The following GRIK1 variants were observed in gnomAD, a reference collection of about 807,000 sequenced individuals.
GRIK1 encodes glutamate ionotropic receptor kainate type subunit 1, also known as glutamate receptor ionotropic, kainate 1.
A neutral mutation model predicts 105.7 loss-of-function variants in GRIK1; 69 were observed. The ratio of observed to expected loss-of-function variants is 0.65; its 90% CI spans 0.54 to 0.80. GRIK1 has a LOEUF of 0.80. GRIK1 is among the 30% of genes least tolerant of loss of function. The pLI is 0.00. For missense variants in GRIK1, 1,109 were observed against 1,167.3 expected (o/e 0.95, Z 0.73); for synonymous variants, 438 against 431.3 (o/e 1.02, Z -0.19).
chr21:29,584,789 G>A (rs990000862), intron 12 of GRIK1, among the ~76,000 whole-genome samples: 3 of 152,084 alleles, frequency 2.0e-5, no homozygotes, highest in Non-Finnish European at 2.9e-5. Flanking sequence ...AACCACTAAG[G>A]TGGTAACTGA....
intron 1 of GRIK1, among the ~76,000 whole-genome samples, chr21:29,935,306 A>G (rs1394385398): frequency 6.6e-6 from 1 of 152,244 alleles, no homozygotes; most frequent in East Asian, 1.9e-4. Context: ...ATAGATTGCA[A>G]TTGCCAGAAT....
intron 4 of GRIK1, among the ~76,000 whole-genome samples, chr21:29,672,662 A>AAGAG (rs72451934): frequency 2.7e-5 from 4 of 146,108 alleles, no homozygotes; most frequent in East Asian, 3.9e-4. Context: ...CAAGAGACAT[A>AAGAG]AGAGAGAGAG....
intron 1 of GRIK1, among the ~76,000 whole-genome samples, chr21:29,866,886 TAC>T (rs2068820841): frequency 2.0e-5 from 3 of 152,220 alleles, no homozygotes; most frequent in Non-Finnish European, 1.5e-5. Flanking sequence ...TCAAACAAAG[TAC>T]ACTTGAATAT....
At chr21:29,610,454 A>C (rs887701760) in intron 7 of GRIK1, among the ~76,000 whole-genome samples, 16 of 152,224 alleles carry the variant, frequency 1.1e-4, no homozygotes, top group Non-Finnish European at 2.1e-4. Flanking sequence ...ATGTGATGAC[A>C]GAAATAGAAG....
chr21:29,914,167 T>C (rs2070915313), intron 1 of GRIK1, among the ~76,000 whole-genome samples: 1 of 152,048 alleles, frequency 6.6e-6, no homozygotes, highest in South Asian at 2.1e-4. Context: ...CATCCCCAAG[T>C]TGTGACAATA....
At chr21:29,712,189 C>A (rs1310283242) in intron 1 of GRIK1, among the ~76,000 whole-genome samples, 4 of 150,334 alleles carry the variant, frequency 2.7e-5, no homozygotes, top group Non-Finnish European at 5.9e-5. Context: ...TTCTTAATGG[C>A]ATTTTCCATG....
intron 7 of GRIK1, among the ~76,000 whole-genome samples, chr21:29,613,370 T>C (rs1006688182): frequency 2.0e-5 from 3 of 152,208 alleles, no homozygotes; most frequent in African/African-American, 4.8e-5. Context: ...CACAAAATCA[T>C]TGGAACACTG....
At chr21:29,629,875 G>A (rs2062224974) in intron 7 of GRIK1, among the ~76,000 whole-genome samples, 1 of 152,148 alleles carries the variant, frequency 6.6e-6, no homozygotes, top group African/African-American at 2.4e-5. Flanking sequence ...ATTGCCGAGG[G>A]GAATGGAAGA....
rs542707814 is a variant in GRIK1, at chr21:29,829,059, T to A, written c.118+110324A>T. On this transcript the variant is annotated intron_variant, in intron 1 of 17. Coordinates refer to ENST00000327783, the MANE Select transcript of GRIK1 (RefSeq NM_001330994.2). Reference sequence around the variant, plus strand: ...ACTGATTCTCTTTTTTAAGGCTGATTTGAACGCCTTTCCAATGTAGCTTAA... The same window carrying A: ...ACTGATTCTCTTTTTTAAGGCTGATATGAACGCCTTTCCAATGTAGCTTAA... 3.9e-5 allele frequency among the ~76,000 whole-genome samples: 6 copies of A among 152,290 alleles called. No homozygotes were observed. The East Asian group carries it at 1.2e-3, about 29-fold the overall frequency.
rs375650930 is a variant in GRIK1, at chr21:29,584,343, C to A, written c.1794-2800G>T. Reference sequence around the variant, plus strand: ...GCCAAATGCCAACTTTAAAAATGTCCATTTTTAAGAAGACGAACATAAATG... The same window carrying A: ...GCCAAATGCCAACTTTAAAAATGTCAATTTTTAAGAAGACGAACATAAATG... On this transcript the variant is annotated intron_variant, in intron 12 of 17. Transcript: ENST00000327783. 9.2e-5 allele frequency among the ~76,000 whole-genome samples: 14 copies of A among 152,130 alleles called. No individual in the cohort carries two copies. In the East Asian group the frequency reaches 2.3e-3, roughly 25 times the overall value.
chr21:29,853,636 A>T (rs971602122), intron 1 of GRIK1, among the ~76,000 whole-genome samples: 7 of 152,354 alleles, frequency 4.6e-5, no homozygotes, highest in Non-Finnish European at 8.8e-5. Flanking sequence ...AGTCAACTGC[A>T]TATGACTCAT....
intron 7 of GRIK1, among the ~76,000 whole-genome samples, chr21:29,633,263 A>AG (rs35498476): frequency 0.51 from 78,016 of 152,074 alleles, 22,405 homozygotes; most frequent in African/African-American, 0.79. Flanking sequence ...GCACTTTAGG[A>AG]GCTGAGGTGG....
intron 1 of GRIK1, among the ~76,000 whole-genome samples, chr21:29,875,626 T>A (rs149537031): frequency 6.6e-6 from 1 of 152,288 alleles, no homozygotes; most frequent in African/African-American, 2.4e-5. Flanking sequence ...TCTCTTCTTT[T>A]TAAAGAAATT....
In GRIK1 at chr21:29,560,437, C is replaced by CTTTCTTTCT. The variant is rs201038472; in HGVS notation, c.2356+1186_2356+1187insAGAAAGAAA. On this transcript the variant is annotated intron_variant, in intron 15 of 17. Coordinates refer to ENST00000327783, the MANE Select transcript of GRIK1 (RefSeq NM_001330994.2). ...TCTTTCTTTCTTTCTTTCTTTCTTT[C>CTTTCTTTCT]TTTTTCTTTCTCCCTTTCTTTCCTT... is the stretch of plus-strand genomic sequence containing the variant. 8.3e-4 allele frequency among the ~76,000 whole-genome samples: 93 copies of CTTTCTTTCT among 112,356 alleles called. 4 individuals are homozygous for CTTTCTTTCT. Among genetic ancestry groups the CTTTCTTTCT allele is most frequent in the Admixed American group, 2.0e-3 (19 of 9,718 alleles). The allele number at this position is 112,356 out of a possible 152,430, so 73.7% of individuals were successfully genotyped here. A position where few individuals can be genotyped will look rare whatever the true frequency, so the allele number is the denominator to read the frequency against.
rs189292679 is a variant in GRIK1, at chr21:29,538,315, A to G, written c.2608-431T>C. Among the ~76,000 whole-genome samples, 110 of 152,314 alleles carry G rather than the reference A, an allele frequency of 7.2e-4. 1 individual carries two copies. The highest frequency in any genetic ancestry group is 1.4e-3 in the Non-Finnish European group (95 of 68,020). On this transcript the variant is annotated intron_variant, in intron 16 of 17. Transcript: ENST00000327783. ...ACATCCTCTAGTGATATGAGCCAGCACAGGAGGACAAAGGCAGCATGATTC... is the reference window on the plus strand; with the variant it reads ...ACATCCTCTAGTGATATGAGCCAGCGCAGGAGGACAAAGGCAGCATGATTC...
intron 1 of GRIK1, among the ~76,000 whole-genome samples, chr21:29,857,150 A>T (rs968587038): frequency 6.6e-6 from 1 of 152,236 alleles, no homozygotes; most frequent in African/African-American, 2.4e-5. Context: ...GCAGGTGTAG[A>T]TAATGAGTGA....
intron 1 of GRIK1, among the ~76,000 whole-genome samples, chr21:29,723,433 AT>A (rs1215529225): frequency 2.6e-5 from 4 of 152,220 alleles, no homozygotes; most frequent in Non-Finnish European, 5.9e-5. Context: ...AGCTATATTT[AT>A]CTTCCGAGTA....
intron 1 of GRIK1, among the ~76,000 whole-genome samples, chr21:29,781,128 G>C (rs2066087112): frequency 6.6e-6 from 1 of 152,104 alleles, no homozygotes; most frequent in African/African-American, 2.4e-5. Context: ...TCTCTTTTAT[G>C]TACACACATG....
intron 1 of GRIK1, among the ~76,000 whole-genome samples, chr21:29,722,135 A>G (rs1235582433): frequency 1.3e-5 from 2 of 152,128 alleles, no homozygotes; most frequent in Non-Finnish European, 1.5e-5. Context: ...TGTCATAATA[A>G]CATACCCTGA....
Sources: gnomAD v4.1 joint callset for allele counts (sites outside exome capture counted in the v4.1 genomes callset) on GRCh38, gnomAD v4.1.1 for gene constraint, MANE v1.5 for transcripts, NCBI Gene and HGNC (gene_info 2026-07-23, HGNC 2026-07-21) for gene names.